The following PRR16 variants were observed in gnomAD, a reference collection of about 807,000 sequenced individuals.
PRR16 encodes protein Largen.
PRR16 carries 6 observed loss-of-function variants against 18.2 expected under a neutral mutation model. That is an observed-to-expected ratio of 0.33 (90% confidence interval 0.18 to 0.65). PRR16 has a LOEUF of 0.65. Ranked by LOEUF, PRR16 falls within the 30% of genes least tolerant of loss-of-function variation. PRR16 has a pLI of 0.74. For missense variants in PRR16, 412 were observed against 376.6 expected, an observed-to-expected ratio of 1.09 and a Z score of -0.78; for synonymous variants, 151 against 147.8, an observed-to-expected ratio of 1.02 and a Z score of -0.16.
chr5:120,715,684 G>A, the PRR16 span, among the ~76,000 whole-genome samples: 2 of 152,130 alleles, frequency 1.3e-5, no homozygotes, highest in East Asian at 3.9e-4. Context: ...GTGGTGGGAT[G>A]TATGAAAATC....
At chr5:120,782,956 C>G in the PRR16 span, among the ~76,000 whole-genome samples, 1 of 152,094 alleles carries the variant, frequency 6.6e-6, no homozygotes, top group African/African-American at 2.4e-5. Context: ...TGTTGCTTGT[C>G]AGGCAGATGC....
intron 1 of PRR16, among the ~76,000 whole-genome samples, chr5:120,562,888 C>A (rs1372238885): frequency 6.6e-6 from 1 of 151,912 alleles, no homozygotes; most frequent in African/African-American, 2.4e-5. Context: ...GTTCATTAGT[C>A]TTTCTATTTA....
chr5:120,760,877 A>T, the PRR16 span, among the ~76,000 whole-genome samples: 86 of 152,222 alleles, frequency 5.6e-4, 1 homozygote, highest in Non-Finnish European at 2.6e-4. Flanking sequence ...TGCATCTTGT[A>T]TGGAATCCCT....
the PRR16 span, among the ~76,000 whole-genome samples, chr5:120,707,312 T>C: frequency 1.3e-4 from 20 of 152,288 alleles, no homozygotes; most frequent in East Asian, 3.9e-3. Flanking sequence ...AATTCTAATA[T>C]GTTCCATAGC....
chr5:120,794,304 ATGT>A, the PRR16 span, among the ~76,000 whole-genome samples: 3 of 152,100 alleles, frequency 2.0e-5, no homozygotes, highest in Non-Finnish European at 4.4e-5. Flanking sequence ...CTTCAGACAG[ATGT>A]TGTGGTTTTT....
intron 1 of PRR16, among the ~76,000 whole-genome samples, chr5:120,585,789 A>C (rs1045600894): frequency 2.6e-5 from 4 of 152,100 alleles, no homozygotes; most frequent in African/African-American, 9.7e-5. Context: ...TGTTTCAGGT[A>C]CATTTCCTGA....
chr5:120,746,886 G>T, the PRR16 span, among the ~76,000 whole-genome samples: 4 of 152,118 alleles, frequency 2.6e-5, no homozygotes, highest in Non-Finnish European at 5.9e-5. Flanking sequence ...AGTCACAGGA[G>T]AAATTATTTT....
the PRR16 span, chr5:120,790,528 T>A: frequency 1.3e-5 from 2 of 152,258 alleles, no homozygotes; most frequent in African/African-American, 4.8e-5. Context: ...TGTTGCTGTT[T>A]GCAGACAGAG....
chr5:120,686,601 A>C lies in PRR16; in HGVS notation c.807A>C (p.Ile269=). Residue 269 remains isoleucine (I), a synonymous_variant, in exon 2 of 2, where the codon ATA becomes ATC. Transcript: ENST00000407149. ...PFPLENGGMG[I]SHSNSFPPIR... Reference sequence around the variant, plus strand: ...CACTAGAAAATGGGGGAATGGGAATAAGCCACAGTAACAGCTTCCCCCCTA... The same window carrying C: ...CACTAGAAAATGGGGGAATGGGAATCAGCCACAGTAACAGCTTCCCCCCTA... The C allele has an allele frequency of 6.2e-7, 1 of 1,613,624 alleles. No homozygotes were observed.
At chr5:120,609,981 T>A (rs1455731046) in intron 1 of PRR16, among the ~76,000 whole-genome samples, 1 of 152,206 alleles carries the variant, frequency 6.6e-6, no homozygotes, top group Non-Finnish European at 1.5e-5. Context: ...ATTTCATAAA[T>A]AAGGACGTTT....
chr5:120,632,863 T>C (rs1276506077), intron 1 of PRR16, among the ~76,000 whole-genome samples: 1 of 152,228 alleles, frequency 6.6e-6, no homozygotes, highest in Non-Finnish European at 1.5e-5. Flanking sequence ...GACATGCAAA[T>C]ACAAGAAGCT....
At chr5:120,543,986 T>C (rs1561539239) in intron 1 of PRR16, among the ~76,000 whole-genome samples, 1 of 152,174 alleles carries the variant, frequency 6.6e-6, no homozygotes. Context: ...CATGAAGAGT[T>C]GTTATTCAGT....
intron 1 of PRR16, among the ~76,000 whole-genome samples, chr5:120,636,987 A>G (rs1286266046): frequency 6.6e-6 from 1 of 152,056 alleles, no homozygotes; most frequent in South Asian, 2.1e-4. Flanking sequence ...TGTATAGACA[A>G]TTCTCAAAAG....
chr5:120,687,095 T>C lies in PRR16; in HGVS notation c.*386T>C, dbSNP rs1215575542. 1.3e-5 allele frequency: 2 copies of C among 156,288 alleles called. No homozygotes were observed. The highest frequency in any genetic ancestry group is 2.8e-5 in the Non-Finnish European group (2 of 70,662). The allele number at this position is 156,288 out of a possible 1,614,324, so 9.7% of individuals were successfully genotyped here. ...TTCTTAACTTTGATCTAATGCTTTT[T>C]ACTAGGAAATTTTAATACTGAAGGA... On this transcript the variant is annotated 3_prime_UTR_variant, in exon 2 of 2. Coordinates refer to ENST00000407149, the MANE Select transcript of PRR16 (RefSeq NM_001300783.2).
the PRR16 span, among the ~76,000 whole-genome samples, chr5:120,783,547 CCTAT>C: frequency 4.1e-4 from 63 of 151,914 alleles, no homozygotes; most frequent in Admixed American, 3.7e-3. Flanking sequence ...TAATATGCTG[CCTAT>C]CTATCTTTTA....
rs1485737400 is a variant in PRR16, at chr5:120,684,890, T to C, written c.160-1064T>C. On this transcript the variant is annotated intron_variant, in intron 1 of 1. Transcript: ENST00000407149. The stretch of plus-strand genomic sequence containing the variant: ...ACGTGGGTTCCCACCTGTCTTATGC[T>C]CTGATGCCTCTGCCAGCCTTATCTG... Among the ~76,000 whole-genome samples the C allele has an allele frequency of 2.0e-5, 3 of 152,240 alleles. No individual in the cohort carries two copies. In the East Asian group the frequency reaches 5.8e-4, roughly 29 times the overall value.
intron 1 of PRR16, among the ~76,000 whole-genome samples, chr5:120,566,021 A>G (rs1363713763): frequency 6.6e-6 from 1 of 152,242 alleles, no homozygotes. Context: ...TGTTCTTTCC[A>G]AAACTTATGT....
At chr5:120,702,887 G>T in the PRR16 span, among the ~76,000 whole-genome samples, 1 of 152,296 alleles carries the variant, frequency 6.6e-6, no homozygotes, top group African/African-American at 2.4e-5. Flanking sequence ...ATCTTTCTCA[G>T]GGAGCAAAGA....
chr5:120,733,966 G>A, the PRR16 span, among the ~76,000 whole-genome samples: 5 of 151,866 alleles, frequency 3.3e-5, no homozygotes, highest in East Asian at 1.9e-4. Context: ...CCTTACTTAC[G>A]GTGATGTGTG....
Sources: gnomAD v4.1 joint callset for allele counts (sites outside exome capture counted in the v4.1 genomes callset) on GRCh38, gnomAD v4.1.1 for gene constraint, MANE v1.5 for transcripts, NCBI Gene and HGNC (gene_info 2026-07-23, HGNC 2026-07-21) for gene names.